FAM120B: variants seen among roughly 807,000 people sequenced by gnomAD.
The protein encoded by FAM120B is family with sequence similarity 120 member B, also known as constitutive coactivator of peroxisome proliferator-activated receptor gamma.
A neutral mutation model predicts 96.3 loss-of-function variants in FAM120B; 83 were observed. The observed-to-expected ratio is 0.86, with a 90% CI of 0.72 to 1.03. The LOEUF is 1.03. Ranked by LOEUF, FAM120B falls within the 50% of genes least tolerant of loss-of-function variation. FAM120B has a pLI of 0.00. For missense variants in FAM120B, 1,027 were observed against 1,121.2 expected, an observed-to-expected ratio of 0.92 and a Z score of 1.20; for synonymous variants, 407 against 402.7, an observed-to-expected ratio of 1.01 and a Z score of -0.13.
At chr6:170,371,566 T>C (rs1359534654) in intron 6 of FAM120B, among the ~76,000 whole-genome samples, 1 of 152,166 alleles carries the variant, frequency 6.6e-6, no homozygotes, top group Admixed American at 6.5e-5. Flanking sequence ...GTTTCAAGAA[T>C]TGTGTGTAAA....
intron 9 of FAM120B, among the ~76,000 whole-genome samples, chr6:170,397,818 A>G (rs923949116): frequency 6.6e-6 from 1 of 152,118 alleles, no homozygotes; most frequent in Admixed American, 6.5e-5. Flanking sequence ...TGGCCCCTCT[A>G]GGTGAGGATT....
chr6:170,329,249 C>T (rs769877449), intron 3 of FAM120B, among the ~76,000 whole-genome samples: 1 of 152,266 alleles, frequency 6.6e-6, no homozygotes. Context: ...TCTGTCTCCT[C>T]ATCTGAGGAA....
intron 1 of FAM120B, among the ~76,000 whole-genome samples, chr6:170,315,336 C>A (rs1260815577): frequency 6.6e-6 from 1 of 152,160 alleles, no homozygotes; most frequent in African/African-American, 2.4e-5. Flanking sequence ...CCATTTTGAC[C>A]AACCTTTTTT....
intron 6 of FAM120B, among the ~76,000 whole-genome samples, chr6:170,373,529 A>G (rs1041070579): frequency 3.3e-5 from 5 of 152,162 alleles, no homozygotes; most frequent in South Asian, 2.1e-4. Context: ...CTGTCTCCCA[A>G]TGTAACTCCA....
At chr6:170,324,211 CATT>C (rs1161130533) in intron 3 of FAM120B, among the ~76,000 whole-genome samples, 1 of 152,096 alleles carries the variant, frequency 6.6e-6, no homozygotes. Flanking sequence ...GAAAAGTCAT[CATT>C]ATTATTTTTG....
upstream of FAM120B, among the ~76,000 whole-genome samples, chr6:170,293,744 CT>C (rs1783936641): frequency 6.6e-6 from 1 of 151,118 alleles, no homozygotes; most frequent in South Asian, 2.1e-4. Context: ...CCTTCTTCTC[CT>C]TCTTCCTCTC....
intron 6 of FAM120B, among the ~76,000 whole-genome samples, chr6:170,380,141 T>G (rs1472839653): frequency 6.6e-6 from 1 of 152,250 alleles, no homozygotes; most frequent in Non-Finnish European, 1.5e-5. Flanking sequence ...AACATAGTGT[T>G]CTGCACTTCC....
chr6:170,406,579 C>T lies in FAM120B; in HGVS notation c.*1828C>T, dbSNP rs1778811044. The T allele has an allele frequency of 6.6e-6, 1 of 152,188 alleles. No individual in the cohort carries two copies. The highest frequency in any genetic ancestry group is 2.4e-5 in the African/African-American group (1 of 41,440). The allele number at this position is 152,188 out of a possible 1,614,324, so 9.4% of individuals were successfully genotyped here. ...ATATCCTAACCGCTCCCTTCGGTTT[C>T]TTCTTAAGAACATTTACATCTAATT... On this transcript the variant is annotated 3_prime_UTR_variant, in exon 11 of 11. Transcript: ENST00000476287.
chr6:170,307,934 A>G (rs1378744204), intron 1 of FAM120B, among the ~76,000 whole-genome samples: 1 of 152,206 alleles, frequency 6.6e-6, no homozygotes, highest in Non-Finnish European at 1.5e-5. Flanking sequence ...TGGGGACCAT[A>G]TCTGGAGCAG....
At chr6:170,310,761 A>C (rs1228973787) in intron 1 of FAM120B, among the ~76,000 whole-genome samples, 1 of 152,208 alleles carries the variant, frequency 6.6e-6, no homozygotes. Context: ...AATTGAGTAC[A>C]TTTTGATATA....
At chr6:170,312,930 C>T (rs1340087927) in intron 1 of FAM120B, among the ~76,000 whole-genome samples, 5 of 152,150 alleles carry the variant, frequency 3.3e-5, no homozygotes, top group Non-Finnish European at 7.3e-5. Flanking sequence ...AGCCAGATAT[C>T]AAAGGTGGGT....
At chr6:170,307,117 C>A (rs893871732) in intron 1 of FAM120B, among the ~76,000 whole-genome samples, 4 of 152,248 alleles carry the variant, frequency 2.6e-5, no homozygotes, top group Non-Finnish European at 5.9e-5. Context: ...GACCTCGCGA[C>A]CGTCGCCTTG....
At chr6:170,371,211 T>A (rs534425243) in intron 6 of FAM120B, among the ~76,000 whole-genome samples, 1 of 152,286 alleles carries the variant, frequency 6.6e-6, no homozygotes, top group Non-Finnish European at 1.5e-5. Context: ...TAGATTTCTT[T>A]GTTCTGAACA....
intron 9 of FAM120B, among the ~76,000 whole-genome samples, chr6:170,400,630 G>C (rs1033016325): frequency 4.6e-5 from 7 of 152,166 alleles, no homozygotes; most frequent in African/African-American, 7.2e-5. Context: ...CCAGCATCCA[G>C]GCAGAGGGGA....
chr6:170,395,527 C>T lies in FAM120B; in HGVS notation c.2640C>T (p.Gly880=), dbSNP rs372938110. The stretch of plus-strand genomic sequence containing the variant: ...AGGGCTCCAGCTACCACAGGACGGG[C>T]TCTGGGTATAGCCGTTCCAGTCAGG... ...GRQGSSYHRT[G]SGYSRSSQGQ... Residue 880 remains glycine (G), a synonymous_variant, in exon 9 of 11, where the codon GGC becomes GGT. Transcript: ENST00000476287. 3.5e-4 allele frequency: 560 copies of T among 1,600,914 alleles called. No individual in the cohort carries two copies. The highest frequency in any genetic ancestry group is 4.5e-4 in the Non-Finnish European group (533 of 1,173,978).
chr6:170,382,147 G>T (rs1296636882), intron 6 of FAM120B, among the ~76,000 whole-genome samples: 1 of 152,206 alleles, frequency 6.6e-6, no homozygotes, highest in South Asian at 2.1e-4. Context: ...TAGGTGGGGT[G>T]TGGTGGCTCA....
At chr6:170,327,057 T>C (rs1785635525) in intron 3 of FAM120B, among the ~76,000 whole-genome samples, 1 of 150,762 alleles carries the variant, frequency 6.6e-6, no homozygotes, top group Non-Finnish European at 1.5e-5. Flanking sequence ...ACTTGAATTT[T>C]TTTTTTTGAG....
At chr6:170,345,790 T>C (rs1787139203) in intron 4 of FAM120B, among the ~76,000 whole-genome samples, 1 of 152,254 alleles carries the variant, frequency 6.6e-6, no homozygotes, top group African/African-American at 2.4e-5. Context: ...GAGTAAGAGA[T>C]CACAAGTTCC....
At chr6:170,361,208 A>ATATATATATATATATATACACG (rs1788372195) in intron 6 of FAM120B, among the ~76,000 whole-genome samples, 1 of 79,192 alleles carries the variant, frequency 1.3e-5, no homozygotes, top group African/African-American at 4.9e-5. Flanking sequence ...GTATATATAT[A>ATATATATATATATATATACACG]TATATATATA....
Sources: gnomAD v4.1 joint callset for allele counts (sites outside exome capture counted in the v4.1 genomes callset) on GRCh38, gnomAD v4.1.1 for gene constraint, MANE v1.5 for transcripts, NCBI Gene and HGNC (gene_info 2026-07-23, HGNC 2026-07-21) for gene names.